SYNE1: variants seen among roughly 807,000 people sequenced by gnomAD.
SYNE1 encodes spectrin repeat containing nuclear envelope protein 1.
SYNE1 carries 616 observed loss-of-function variants against 1,111.0 expected under a neutral mutation model. The ratio of observed to expected loss-of-function variants is 0.55; its 90% CI spans 0.52 to 0.59. SYNE1 has a LOEUF of 0.59. Ranked by LOEUF, SYNE1 falls within the 20% of genes least tolerant of loss-of-function variation. SYNE1 has a pLI of 0.00. For synonymous variants in SYNE1, 3,855 were observed against 3,825.8 expected (o/e 1.01, Z -0.28); for missense variants, 10,006 against 10,417.0 (o/e 0.96, Z 1.72).
At chr6:152,472,907 T>G (rs889155654) in intron 14 of SYNE1, among the ~76,000 whole-genome samples, 3 of 152,186 alleles carry the variant, frequency 2.0e-5, no homozygotes, top group African/African-American at 7.2e-5. Flanking sequence ...TCAATCATAT[T>G]ACAATATATT....
At chr6:152,280,067 C>A (rs1293947272) in intron 97 of SYNE1, among the ~76,000 whole-genome samples, 4 of 152,174 alleles carry the variant, frequency 2.6e-5, no homozygotes, top group Non-Finnish European at 5.9e-5. Context: ...ATTTTTAGCA[C>A]TTCCATGGGG....
chr6:152,221,046 T>A lies in SYNE1; in HGVS notation c.21657A>T (p.Arg7219Ser). The A allele has an allele frequency of 2.5e-6, 4 of 1,613,994 alleles. No individual in the cohort carries two copies. Among genetic ancestry groups the A allele is most frequent in the Non-Finnish European group, 3.4e-6 (4 of 1,179,948 alleles). The change falls in exon 119 of 146, where the codon AGA becomes AGT. Residue 7219 changes from arginine to serine, a missense_variant and splice_region_variant. This residue lies in a region of SYNE1 where 2,182 missense variants were observed against 2,287.8 expected (regional missense o/e 0.95). Transcript: ENST00000367255. The stretch of plus-strand genomic sequence containing the variant: ...CAATCTCTTCCAGCAAGTTATTCCA[T>A]CTGGAAATAATAACCAACACTCATG... Reference protein sequence around the residue: ...LTNTLKEVNMRWNNLLEEIAE... With the variant: ...LTNTLKEVNMSWNNLLEEIAE...
chr6:152,187,935 AGG>A (rs1312719799), intron 128 of SYNE1, among the ~76,000 whole-genome samples: 1 of 152,164 alleles, frequency 6.6e-6, no homozygotes, highest in Non-Finnish European at 1.5e-5. Flanking sequence ...CATGTTGGCC[AGG>A]CTGGTCTTGA....
In SYNE1 at chr6:152,430,574, C is replaced by T. The variant is rs573641821; in HGVS notation, c.4597G>A (p.Gly1533Arg). 2.4e-5 allele frequency: 39 copies of T among 1,614,092 alleles called. No homozygotes were observed. The highest frequency in any genetic ancestry group is 1.6e-4 in the East Asian group (7 of 44,876). ...KAKLTQIRRY[G>R]EELREHAQCL... is the part of the protein sequence containing the mutation. Reference sequence around the variant, plus strand: ...TGTGCATGCTCTCGAAGCTCTTCCCCGTATCTTCTTATTTGTGTCAACTTG... The same window carrying T: ...TGTGCATGCTCTCGAAGCTCTTCCCTGTATCTTCTTATTTGTGTCAACTTG... Residue 1533 changes from glycine (G) to arginine (R), a missense_variant, in exon 35 of 146, where the codon GGG becomes AGG. Around this residue, in one of 7 missense-constraint regions of SYNE1, gnomAD observed 1,971 missense variants for 2,084.1 expected, o/e 0.95. Coordinates refer to ENST00000367255, the MANE Select transcript of SYNE1 (RefSeq NM_182961.4).
At chr6:152,551,242 C>T (rs769904183) in intron 3 of SYNE1, among the ~76,000 whole-genome samples, 1 of 152,084 alleles carries the variant, frequency 6.6e-6, no homozygotes, top group Non-Finnish European at 1.5e-5. Flanking sequence ...TAACCTGCCA[C>T]GTACACAGAG....
chr6:152,178,662 T>C (rs1365408096), intron 129 of SYNE1, among the ~76,000 whole-genome samples: 1 of 152,108 alleles, frequency 6.6e-6, no homozygotes, highest in African/African-American at 2.4e-5. Context: ...ACTGGCTGAG[T>C]GCTTATGAGA....
intron 116 of SYNE1, among the ~76,000 whole-genome samples, chr6:152,224,944 TAC>T (rs1290349929): frequency 6.8e-6 from 1 of 147,212 alleles, no homozygotes; most frequent in Non-Finnish European, 1.5e-5. Context: ...TACATATGTA[TAC>T]ACATATATAT....
chr6:152,491,053 G>T (rs1235145059), intron 11 of SYNE1, among the ~76,000 whole-genome samples: 1 of 152,090 alleles, frequency 6.6e-6, no homozygotes, highest in Non-Finnish European at 1.5e-5. Context: ...GTCTTCCCTT[G>T]GTGTTTAATC....
intron 123 of SYNE1, 75 bp downstream of exon 123, chr6:152,213,537 C>T: frequency 2.0e-6 from 3 of 1,522,712 alleles, no homozygotes; most frequent in Non-Finnish European, 2.7e-6. Flanking sequence ...TTTAATTCTC[C>T]CACACAGCAT....
intron 66 of SYNE1, 50 bp downstream of exon 66, chr6:152,358,323 T>C (rs1338793985): frequency 6.2e-7 from 1 of 1,612,630 alleles, no homozygotes. Flanking sequence ...AAATAATAAT[T>C]CCATATTCAG....
intron 127 of SYNE1, among the ~76,000 whole-genome samples, chr6:152,189,824 T>C (rs1364808918): frequency 1.3e-5 from 2 of 152,216 alleles, no homozygotes; most frequent in Non-Finnish European, 2.9e-5. Flanking sequence ...GAAAGGCCAT[T>C]GACTGATCCA....
At chr6:152,353,208 G>A (rs1177096869) in intron 69 of SYNE1, 55 bp downstream of exon 69, 1 of 1,598,586 alleles carries the variant, frequency 6.3e-7, no homozygotes, top group Non-Finnish European at 8.6e-7. Context: ...GCAGGAGAAT[G>A]GGGCAGCTTG....
At chr6:152,475,371 T>A (rs1383305514) in intron 14 of SYNE1, among the ~76,000 whole-genome samples, 1 of 152,198 alleles carries the variant, frequency 6.6e-6, no homozygotes, top group Admixed American at 6.5e-5. Flanking sequence ...ACATTAAATG[T>A]GCTCAGAACA....
At chr6:152,276,016 T>G (rs2093598650) in intron 98 of SYNE1, among the ~76,000 whole-genome samples, 1 of 149,720 alleles carries the variant, frequency 6.7e-6, no homozygotes, top group Non-Finnish European at 1.5e-5. Flanking sequence ...GTAAAAACTA[T>G]AAATTCTCGA....
intron 11 of SYNE1, 46 bp from the exon 12 acceptor site, chr6:152,488,549 A>G: frequency 9.9e-7 from 1 of 1,014,996 alleles, no homozygotes; most frequent in Non-Finnish European, 1.5e-6. Context: ...CTGTGCATTT[A>G]TTTAATTGCT....
intron 84 of SYNE1, among the ~76,000 whole-genome samples, chr6:152,320,686 A>G (rs1195334184): frequency 6.6e-6 from 1 of 152,202 alleles, no homozygotes; most frequent in African/African-American, 2.4e-5. Flanking sequence ...TTTTAGAGTT[A>G]TAGACAGGAT....
chr6:152,308,648 A>C lies in SYNE1; in HGVS notation c.17203-16T>G. On this transcript the variant is annotated splice_polypyrimidine_tract_variant and intron_variant, in intron 90 of 145. Transcript: ENST00000367255. Reference sequence around the variant, plus strand: ...CCACAGCTTCCTTTGAAAAAAAAAAAAAACAGAAAGATAGACAGTTTTTTT... The same window carrying C: ...CCACAGCTTCCTTTGAAAAAAAAAACAAACAGAAAGATAGACAGTTTTTTT... The C allele has an allele frequency of 2.5e-6, 4 of 1,590,574 alleles. No individual in the cohort carries two copies. Among genetic ancestry groups the C allele is most frequent in the South Asian group, 1.2e-5 (1 of 86,208 alleles).
chr6:152,404,409 C>G, intron 45 of SYNE1, 95 bp from the exon 46 acceptor site: 1 of 947,016 alleles, frequency 1.1e-6, no homozygotes, highest in Non-Finnish European at 1.7e-6. Context: ...GTCGAAATAC[C>G]CCAACTTTAA....
intron 95 of SYNE1, among the ~76,000 whole-genome samples, chr6:152,287,503 C>T (rs934140019): frequency 7.2e-5 from 11 of 152,116 alleles, no homozygotes; most frequent in Non-Finnish European, 1.6e-4. Flanking sequence ...TTACTTCTGG[C>T]ATTTTTAATA....
Sources: allele counts gnomAD v4.1 joint callset (sites outside exome capture counted in the v4.1 genomes callset), GRCh38; gene constraint gnomAD v4.1.1; regional missense constraint gnomAD v4.1.1; transcripts MANE v1.5; gene names NCBI Gene and HGNC (gene_info 2026-07-23, HGNC 2026-07-21).